The following ATXN2 variants were observed in gnomAD, a reference collection of about 807,000 sequenced individuals.
ATXN2 encodes ataxin 2.
ATXN2 carries 37 observed loss-of-function variants against 138.6 expected under a neutral mutation model. That is an observed-to-expected ratio of 0.27 (90% CI 0.21 to 0.35). The LOEUF (loss-of-function observed/expected upper bound fraction) is 0.35. ATXN2 is among the 10% of genes least tolerant of loss of function. ATXN2 has a pLI of 1.00. For synonymous variants in ATXN2, 549 were observed against 543.7 expected (o/e 1.01, Z -0.13); for missense variants, 1,216 against 1,480.3 (o/e 0.82, Z 2.93).
At position 111,453,562 on chromosome 12, in the gene ATXN2, G is replaced by T; in HGVS notation, c.3439+115C>A. On this transcript the variant is annotated intron_variant, in intron 24 of 24. Transcript: ENST00000673436. This position sits in a 1 kb window ranked among gnomAD's most constrained non-coding sequence, Gnocchi z 5.4. ...GTCCCTCCTGTGCACACTCCTGGAC[G>T]GGTCTTGCTAGTTCTCAAATGCGGG... The T allele has an allele frequency of 6.9e-7, 1 of 1,441,674 alleles. No individual in the cohort carries two copies. The allele number at this position is 1,441,674 out of a possible 1,614,324, so 89.3% of individuals were successfully genotyped here.
At chr12:111,569,758 C>A (rs1753558897) in intron 1 of ATXN2, among the ~76,000 whole-genome samples, 1 of 152,042 alleles carries the variant, frequency 6.6e-6, no homozygotes, top group South Asian at 2.1e-4. Flanking sequence ...TGAAGTTTTA[C>A]CCCTTCAGTG....
intron 1 of ATXN2, among the ~76,000 whole-genome samples, chr12:111,559,920 G>GA (rs1216649771): frequency 6.6e-6 from 1 of 152,066 alleles, no homozygotes; most frequent in African/African-American, 2.4e-5. Context: ...AACAAGGTAT[G>GA]AAAGAGTTAA....
intron 5 of ATXN2, among the ~76,000 whole-genome samples, chr12:111,543,211 A>C (rs1315662936): frequency 1.3e-5 from 2 of 152,158 alleles, no homozygotes; most frequent in Non-Finnish European, 2.9e-5. Context: ...AACCACAGCA[A>C]AGTTGAGGCC....
At chr12:111,593,479 T>G (rs1183257021) in intron 1 of ATXN2, among the ~76,000 whole-genome samples, 1 of 152,024 alleles carries the variant, frequency 6.6e-6, no homozygotes, top group Non-Finnish European at 1.5e-5. Flanking sequence ...GTATAAACCA[T>G]TGCTAATTAG....
At chr12:111,470,422 GA>G in intron 19 of ATXN2, 135 bp downstream of exon 19, 3 of 1,172,346 alleles carry the variant, frequency 2.6e-6, no homozygotes, top group Non-Finnish European at 2.4e-6. Context: ...AATATATATT[GA>G]AAAGGGTCCC....
At chr12:111,573,387 A>G (rs1883451398) in intron 1 of ATXN2, among the ~76,000 whole-genome samples, 2 of 151,746 alleles carry the variant, frequency 1.3e-5, no homozygotes, top group South Asian at 4.2e-4. Context: ...GTAGAGACGG[A>G]GTTTTGTCAT....
At chr12:111,556,627 C>CT (rs1204226782) in intron 1 of ATXN2, among the ~76,000 whole-genome samples, 7 of 151,906 alleles carry the variant, frequency 4.6e-5, no homozygotes, top group Non-Finnish European at 1.0e-4. Context: ...ACCATCCTGG[C>CT]TAACACAGTG....
Position 111,520,089 on chromosome 12 carries a change from G to C in ATXN2, c.789-13C>G. On this transcript the variant is annotated splice_polypyrimidine_tract_variant and intron_variant, in intron 7 of 24. Transcript: ENST00000673436. The stretch of plus-strand genomic sequence containing the variant: ...TTCTAAGGGCACTCTGAAACATGAG[G>C]AAAAGAAAAGCAAAATGAGTCCTTT... 6.2e-7 allele frequency: 1 copy of C among 1,611,498 alleles called. No homozygotes were observed. The highest frequency in any genetic ancestry group is 8.5e-7 in the Non-Finnish European group (1 of 1,179,214).
Position 111,475,631 on chromosome 12 carries a change from C to A in ATXN2, c.2525-4889G>T, listed in dbSNP as rs1051158227. Among the ~76,000 whole-genome samples the A allele has an allele frequency of 2.1e-4, 31 of 150,992 alleles. 1 individual carries two copies. Among genetic ancestry groups the A allele is most frequent in the Non-Finnish European group, 8.8e-5 (6 of 67,844 alleles). ...TCAGTCTCCCAAGTAGCTAGAATTA[C>A]AGGTGCCTGCCACCGGGCCCAGCCA... On this transcript the variant is annotated intron_variant, in intron 18 of 24. Coordinates refer to ENST00000673436, the MANE Select transcript of ATXN2 (RefSeq NM_001372574.1).
At chr12:111,498,216 A>C (rs905262037) in intron 14 of ATXN2, among the ~76,000 whole-genome samples, 14 of 152,194 alleles carry the variant, frequency 9.2e-5, no homozygotes, top group Admixed American at 6.6e-4. Context: ...GGAAGTCCTA[A>C]TTGGAGCAAT....
At chr12:111,488,373 TA>T in intron 15 of ATXN2, 102 bp downstream of exon 15, 2 of 1,263,962 alleles carry the variant, frequency 1.6e-6, no homozygotes, top group Non-Finnish European at 1.1e-6. Flanking sequence ...TAAAGTAGTC[TA>T]AAAGTCCAGA....
At chr12:111,480,448 A>T (rs1877145205) in intron 18 of ATXN2, among the ~76,000 whole-genome samples, 1 of 152,134 alleles carries the variant, frequency 6.6e-6, no homozygotes, top group East Asian at 1.9e-4. Flanking sequence ...GCCAGGAGAC[A>T]GGCAGATCAC....
intron 18 of ATXN2, chr12:111,482,749 G>C (rs1349978616): frequency 6.6e-6 from 1 of 150,994 alleles, no homozygotes; most frequent in African/African-American, 2.4e-5. Context: ...AATTTCTAAA[G>C]GCCCTCAAAA....
intron 1 of ATXN2, among the ~76,000 whole-genome samples, chr12:111,565,688 T>C (rs562259095): frequency 5.9e-5 from 9 of 152,180 alleles, no homozygotes; most frequent in Non-Finnish European, 1.3e-4. Flanking sequence ...CCCTGAGATA[T>C]AACAATATTG....
chr12:111,599,401 G>T, upstream of ATXN2: 1 of 1,168,666 alleles, frequency 8.6e-7, no homozygotes, highest in Non-Finnish European at 1.1e-6. Context: ...CGCCCCGCCC[G>T]CTCCGCCGCG....
At chr12:111,582,995 T>TG (rs1566079835) in intron 1 of ATXN2, among the ~76,000 whole-genome samples, 239 of 8,280 alleles carry the variant, frequency 0.029, no homozygotes, top group African/African-American at 0.057. Context: ...TTTTGTTTGT[T>TG]TTTTTTTTTT....
In ATXN2 at chr12:111,598,786, G is replaced by A; in HGVS notation, c.249C>T (p.Gly83=). ...GGGGCTGGGGTGCCGACACCCACCT[G>A]CCCAGGCCGGGCCTCCCGCCGCCGG... ...ATSGGGRPGL[G]RGRNSNKGLP... is the part of the protein sequence containing the mutation. Residue 83 remains glycine, a splice_region_variant and synonymous_variant, in exon 1 of 25, where the codon GGC becomes GGT. Coordinates refer to ENST00000673436, the MANE Select transcript of ATXN2 (RefSeq NM_001372574.1). The surrounding 1 kb of genome is among the most constrained non-coding windows in gnomAD (Gnocchi z 4.5). 7 of 1,367,468 alleles carry A rather than the reference G, an allele frequency of 5.1e-6. No homozygotes were observed. Among genetic ancestry groups the A allele is most frequent in the Non-Finnish European group, 6.6e-6 (7 of 1,067,428 alleles). 84.7% of individuals were successfully genotyped at this position (1,367,468 alleles called of 1,614,324 possible). A position where few individuals can be genotyped will look rare whatever the true frequency, so the allele number is the denominator to read the frequency against.
intron 1 of ATXN2, among the ~76,000 whole-genome samples, chr12:111,577,739 C>T (rs947662451): frequency 2.0e-4 from 30 of 151,840 alleles, no homozygotes; most frequent in African/African-American, 7.3e-4. Context: ...AAAGTCTTAA[C>T]TCCTAACCAC....
At chr12:111,513,327 G>C in intron 11 of ATXN2, 30 bp downstream of exon 11, 1 of 1,603,114 alleles carries the variant, frequency 6.2e-7, no homozygotes, top group Non-Finnish European at 8.5e-7. Flanking sequence ...GACAAAATGA[G>C]TACCATCATT....
Sources: allele counts gnomAD v4.1 joint callset (sites outside exome capture counted in the v4.1 genomes callset), GRCh38; gene constraint gnomAD v4.1.1; non-coding constraint Gnocchi (gnomAD v3.1); transcripts MANE v1.5; gene names NCBI Gene and HGNC (gene_info 2026-07-23, HGNC 2026-07-21).